KCNH1: variants seen among roughly 807,000 people sequenced by gnomAD.
The protein encoded by KCNH1 is voltage-gated delayed rectifier potassium channel KCNH1.
A neutral mutation model predicts 69.2 loss-of-function variants in KCNH1; 27 were observed. That is an observed-to-expected ratio of 0.39 (90% CI 0.29 to 0.54). The LOEUF (loss-of-function observed/expected upper bound fraction) is 0.54, where lower values mean the gene tolerates loss of function less well. Ranked by LOEUF, KCNH1 falls within the 20% of genes least tolerant of loss-of-function variation. KCNH1 has a pLI of 0.68. For synonymous variants in KCNH1, 456 were observed against 487.7 expected (o/e 0.93, Z 0.86); for missense variants, 798 against 1,261.6 (o/e 0.63, Z 5.57).
At chr1:211,026,690 C>A (rs1689690698) in intron 5 of KCNH1, among the ~76,000 whole-genome samples, 1 of 152,152 alleles carries the variant, frequency 6.6e-6, no homozygotes, top group African/African-American at 2.4e-5. Flanking sequence ...CCACCTCCAC[C>A]AACAGTAATG....
At chr1:210,979,792 C>G (rs1401342970) in intron 6 of KCNH1, among the ~76,000 whole-genome samples, 1 of 152,126 alleles carries the variant, frequency 6.6e-6, no homozygotes, top group African/African-American at 2.4e-5. Flanking sequence ...TTCAGCACAC[C>G]CTATGTAATG....
intron 10 of KCNH1, among the ~76,000 whole-genome samples, chr1:210,772,835 G>A (rs1683778187): frequency 6.6e-6 from 1 of 152,116 alleles, no homozygotes; most frequent in African/African-American, 2.4e-5. Context: ...TTCTTCCTCT[G>A]TACCCTGTGG....
At chr1:210,939,029 C>G (rs1687831163) in intron 6 of KCNH1, among the ~76,000 whole-genome samples, 1 of 152,054 alleles carries the variant, frequency 6.6e-6, no homozygotes, top group Non-Finnish European at 1.5e-5. Flanking sequence ...TTCTAAGACT[C>G]AACACTAACA....
chr1:210,980,375 G>A (rs1300702262), intron 6 of KCNH1, among the ~76,000 whole-genome samples: 2 of 152,166 alleles, frequency 1.3e-5, no homozygotes, highest in East Asian at 1.9e-4. Context: ...GCTGCCTTAA[G>A]TTACCTTCCC....
intron 7 of KCNH1, among the ~76,000 whole-genome samples, chr1:210,850,524 G>GT (rs1157147717): frequency 1.3e-5 from 2 of 152,004 alleles, no homozygotes; most frequent in Non-Finnish European, 2.9e-5. Context: ...AAGAAAAAAT[G>GT]TTTTTTAAAA....
chr1:210,710,422 GAC>G (rs1391004703), intron 10 of KCNH1, among the ~76,000 whole-genome samples: 2 of 151,964 alleles, frequency 1.3e-5, no homozygotes, highest in Non-Finnish European at 2.9e-5. Context: ...CGGAAAGAGA[GAC>G]AGAAAGAGAG....
chr1:211,092,389 G>A (rs762129842), intron 3 of KCNH1, among the ~76,000 whole-genome samples: 2 of 152,208 alleles, frequency 1.3e-5, no homozygotes, highest in Non-Finnish European at 2.9e-5. Flanking sequence ...ACCCTGAAAT[G>A]TACAAACAGG....
At chr1:210,908,523 G>T (rs1687161385) in intron 7 of KCNH1, among the ~76,000 whole-genome samples, 1 of 152,140 alleles carries the variant, frequency 6.6e-6, no homozygotes, top group South Asian at 2.1e-4. Flanking sequence ...GCAAGACGGG[G>T]CTGGATGGGT....
Position 210,961,251 on chromosome 1 carries a change from A to AT in KCNH1, c.1033-41183dup, listed in dbSNP as rs534405823. Among the ~76,000 whole-genome samples the AT allele has an allele frequency of 4.9e-3, 728 of 148,750 alleles. 8 individuals carry two copies. Among genetic ancestry groups the AT allele is most frequent in the African/African-American group, 0.017 (681 of 41,014 alleles). ...TTTTCATTAGATACACGACTTGCAA[A>AT]TTTTTTTTTTTCCCAGCATGAGGCT... On this transcript the variant is annotated intron_variant, in intron 6 of 10. Transcript: ENST00000271751.
chr1:210,935,477 G>A (rs887247942), intron 6 of KCNH1, among the ~76,000 whole-genome samples: 1 of 152,208 alleles, frequency 6.6e-6, no homozygotes, highest in Non-Finnish European at 1.5e-5. Flanking sequence ...TTAATAAGTT[G>A]TTATATGTTT....
At chr1:210,985,201 C>A (rs537547938) in intron 6 of KCNH1, among the ~76,000 whole-genome samples, 1 of 152,238 alleles carries the variant, frequency 6.6e-6, no homozygotes, top group Non-Finnish European at 1.5e-5. Flanking sequence ...TGCTAGTAGT[C>A]TATCAATTTT....
chr1:210,965,577 C>A (rs10863871), intron 6 of KCNH1, among the ~76,000 whole-genome samples: 106,959 of 151,504 alleles, frequency 0.71, 38,466 homozygotes, highest in African/African-American at 0.85. Flanking sequence ...ACTATACTAC[C>A]AACTATACAC....
chr1:210,678,602 A>G lies in KCNH1; in HGVS notation c.*4679T>C, dbSNP rs1418986734. ...CCAATAAAGGATTTGGCAGGACTCA[A>G]TGGAAAGAGTATTAATATAAGGAGA... On this transcript the variant is annotated 3_prime_UTR_variant, in exon 11 of 11. Transcript: ENST00000271751. 1.3e-5 allele frequency: 2 copies of G among 152,332 alleles called. No individual in the cohort carries two copies. The highest frequency in any genetic ancestry group is 2.9e-5 in the Non-Finnish European group (2 of 68,042). The allele number at this position is 152,332 out of a possible 1,614,324, so 9.4% of individuals were successfully genotyped here.
At position 210,899,378 on chromosome 1, in the gene KCNH1, C is replaced by T. The variant is rs550677427; in HGVS notation, c.1462+20262G>A. Among the ~76,000 whole-genome samples the T allele has an allele frequency of 2.3e-4, 35 of 151,734 alleles. 1 individual carries two copies. In the South Asian group the frequency reaches 6.0e-3, roughly 26 times the overall value. Reference sequence around the variant, plus strand: ...CACAAAATTATTTCTAAAAATATGCCGATAGTCAACATGCAATAACTTTAT... The same window carrying T: ...CACAAAATTATTTCTAAAAATATGCTGATAGTCAACATGCAATAACTTTAT... On this transcript the variant is annotated intron_variant, in intron 7 of 10. Coordinates refer to ENST00000271751, the MANE Select transcript of KCNH1 (RefSeq NM_172362.3).
intron 3 of KCNH1, among the ~76,000 whole-genome samples, chr1:211,094,382 G>A (rs74156901): frequency 0.019 from 2,890 of 152,262 alleles, 102 homozygotes; most frequent in African/African-American, 0.066. Context: ...AGCAGTCTGT[G>A]GCCTGGGAGC....
intron 10 of KCNH1, among the ~76,000 whole-genome samples, chr1:210,684,684 G>C (rs1027380755): frequency 6.6e-6 from 1 of 152,200 alleles, no homozygotes; most frequent in Non-Finnish European, 1.5e-5. Context: ...CACAGATCTG[G>C]ACCCTAAGTG....
chr1:210,707,750 C>CA (rs949642401), intron 10 of KCNH1, among the ~76,000 whole-genome samples: 1 of 152,166 alleles, frequency 6.6e-6, no homozygotes, highest in African/African-American at 2.4e-5. Context: ...GAAACTCCTA[C>CA]AGCCAGGCCA....
intron 7 of KCNH1, among the ~76,000 whole-genome samples, chr1:210,821,802 CTATTTATTTATTTATTTATTTATT>C (rs71767944): frequency 9.8e-5 from 14 of 142,528 alleles, no homozygotes; most frequent in East Asian, 4.2e-4. Flanking sequence ...TTAACTCCAG[CTATTTATTTATTTATTTATTTATT>C]TATTTATTTA....
intron 6 of KCNH1, among the ~76,000 whole-genome samples, chr1:210,998,169 T>C (rs1571564461): frequency 6.6e-6 from 1 of 152,180 alleles, no homozygotes; most frequent in East Asian, 1.9e-4. Context: ...CAATATTAAC[T>C]TTAAATGTAA....
Sources: gnomAD v4.1 joint callset for allele counts (sites outside exome capture counted in the v4.1 genomes callset) on GRCh38, gnomAD v4.1.1 for gene constraint, MANE v1.5 for transcripts, NCBI Gene and HGNC (gene_info 2026-07-23, HGNC 2026-07-21) for gene names.